The following LGSN variants were observed in gnomAD, a reference collection of about 807,000 sequenced individuals.
LGSN encodes lengsin, lens protein with glutamine synthetase domain, also known as lengsin.
Under a neutral mutation model 19.5 loss-of-function variants are expected in LGSN, and 21 were observed. The ratio of observed to expected loss-of-function variants is 1.07; its 90% CI spans 0.76 to 1.55. The LOEUF is 1.55. Ranked by LOEUF, LGSN falls within the 40% of genes most tolerant of loss-of-function variation. The pLI, the probability that LGSN is intolerant of heterozygous loss-of-function variation, is 0.00. For synonymous variants in LGSN, 257 were observed against 215.6 expected (o/e 1.19, Z -1.68); for missense variants, 673 against 608.5 (o/e 1.11, Z -1.12).
the LGSN span, among the ~76,000 whole-genome samples, chr6:63,413,164 A>T: frequency 6.6e-6 from 1 of 152,144 alleles, no homozygotes; most frequent in African/African-American, 2.4e-5. Flanking sequence ...GCAACACCAT[A>T]CATTACAGAG....
At chr6:63,539,489 A>G in the LGSN span, among the ~76,000 whole-genome samples, 1 of 152,144 alleles carries the variant, frequency 6.6e-6, no homozygotes, top group African/African-American at 2.4e-5. Context: ...GAAAATAGGC[A>G]AAGGATGGCC....
chr6:63,321,526 A>G (rs1158559246), upstream of LGSN, among the ~76,000 whole-genome samples: 1 of 151,970 alleles, frequency 6.6e-6, no homozygotes, highest in African/African-American at 2.4e-5. Flanking sequence ...TCCTTACCTT[A>G]TTTTGACAAT....
the LGSN span, among the ~76,000 whole-genome samples, chr6:63,412,768 A>AAAGG: frequency 6.2e-4 from 14 of 22,764 alleles, no homozygotes; most frequent in South Asian, 3.0e-3. Context: ...AGAAAGAAAG[A>AAAGG]AAGGAAGGAA....
chr6:63,523,222 A>G, the LGSN span, among the ~76,000 whole-genome samples: 2 of 152,136 alleles, frequency 1.3e-5, no homozygotes, highest in Non-Finnish European at 2.9e-5. Flanking sequence ...AAACAACTAT[A>G]AAGTAAGTGT....
At chr6:63,354,673 G>A in the LGSN span, among the ~76,000 whole-genome samples, 3 of 152,130 alleles carry the variant, frequency 2.0e-5, no homozygotes, top group Admixed American at 1.3e-4. Flanking sequence ...ATGTTGAAGA[G>A]ACATCTGCGC....
chr6:63,365,111 T>C, the LGSN span, among the ~76,000 whole-genome samples: 1 of 151,834 alleles, frequency 6.6e-6, no homozygotes, highest in Non-Finnish European at 1.5e-5. Context: ...AAGATAGAGA[T>C]GTAAAAAACC....
chr6:63,402,282 G>A, the LGSN span, among the ~76,000 whole-genome samples: 8 of 152,176 alleles, frequency 5.3e-5, no homozygotes, highest in African/African-American at 1.9e-4. Flanking sequence ...CCAGAAGCAA[G>A]CTTGGAGAAA....
chr6:63,300,066 G>T (rs1053013657), intron 1 of LGSN, among the ~76,000 whole-genome samples: 7 of 152,150 alleles, frequency 4.6e-5, no homozygotes, highest in Admixed American at 3.3e-4. Context: ...TCATGGTGAG[G>T]CCTGGAGACG....
chr6:63,324,027 C>G (rs1289862131), upstream of LGSN, among the ~76,000 whole-genome samples: 1 of 152,128 alleles, frequency 6.6e-6, no homozygotes, highest in Non-Finnish European at 1.5e-5. Flanking sequence ...CCTGCCTCAG[C>G]CTCCCAAAGT....
the LGSN span, among the ~76,000 whole-genome samples, chr6:63,401,917 A>G: frequency 6.6e-6 from 1 of 152,246 alleles, no homozygotes. Flanking sequence ...AAAAGGGATT[A>G]AGGCAACTGA....
At chr6:63,314,750 C>T (rs1768775138) in intron 1 of LGSN, among the ~76,000 whole-genome samples, 1 of 151,934 alleles carries the variant, frequency 6.6e-6, no homozygotes, top group South Asian at 2.1e-4. Context: ...AGACTAAAGG[C>T]TTAAGGAGAA....
chr6:63,342,301 A>G, the LGSN span, among the ~76,000 whole-genome samples: 3 of 152,202 alleles, frequency 2.0e-5, no homozygotes, highest in Admixed American at 6.5e-5. Flanking sequence ...ATTTATACAT[A>G]TTATTTATGC....
chr6:63,420,205 A>G, the LGSN span, among the ~76,000 whole-genome samples: 1 of 150,476 alleles, frequency 6.6e-6, no homozygotes, highest in East Asian at 1.9e-4. Flanking sequence ...TGCGTCTCAA[A>G]AAAAAAAAAA....
At chr6:63,458,532 T>C in the LGSN span, among the ~76,000 whole-genome samples, 55 of 152,292 alleles carry the variant, frequency 3.6e-4, no homozygotes, top group Admixed American at 2.2e-3. Context: ...TCTGCACTTA[T>C]GTTAAAAAAA....
chr6:63,339,099 TCTATCCTGGAGAA>T, the LGSN span, among the ~76,000 whole-genome samples: 1 of 152,232 alleles, frequency 6.6e-6, no homozygotes, highest in African/African-American at 2.4e-5. Flanking sequence ...TAATATATAG[TCTATCCTGGAGAA>T]TGTTCCATGT....
intron 1 of LGSN, among the ~76,000 whole-genome samples, chr6:63,305,754 G>T (rs924269277): frequency 6.6e-6 from 1 of 151,210 alleles, no homozygotes; most frequent in African/African-American, 2.4e-5. Context: ...AATTTAATTT[G>T]CCTAAAGTCT....
the LGSN span, among the ~76,000 whole-genome samples, chr6:63,392,881 CTTTTT>C: frequency 6.4e-5 from 7 of 109,942 alleles, no homozygotes; most frequent in African/African-American, 2.8e-4. Context: ...TCTTCTTCTT[CTTTTT>C]TTTTTTTTTT....
At chr6:63,345,649 T>C in the LGSN span, among the ~76,000 whole-genome samples, 1 of 152,186 alleles carries the variant, frequency 6.6e-6, no homozygotes, top group Admixed American at 6.5e-5. Flanking sequence ...GAAAGCCCTG[T>C]TAGGTGGTCA....
intron 1 of LGSN, among the ~76,000 whole-genome samples, chr6:63,303,215 A>G (rs1768258522): frequency 6.6e-6 from 1 of 152,160 alleles, no homozygotes; most frequent in Non-Finnish European, 1.5e-5. Context: ...TTGCTACTTG[A>G]TGGGCCATTT....
Sources: gnomAD v4.1 joint callset for allele counts (sites outside exome capture counted in the v4.1 genomes callset) on GRCh38, gnomAD v4.1.1 for gene constraint, MANE v1.5 for transcripts, NCBI Gene and HGNC (gene_info 2026-07-23, HGNC 2026-07-21) for gene names.